ITIH5: variants seen among roughly 807,000 people sequenced by gnomAD.
ITIH5 encodes the protein inter-alpha-trypsin inhibitor heavy chain 5, also known as inter-alpha-trypsin inhibitor heavy chain H5.
A neutral mutation model predicts 77.5 loss-of-function variants in ITIH5; 65 were observed. The observed-to-expected ratio is 0.84, with a 90% confidence interval of 0.69 to 1.03. ITIH5 has a LOEUF of 1.03. Ranked by LOEUF, ITIH5 falls within the 50% of genes least tolerant of loss-of-function variation. The pLI is 0.00. For missense variants in ITIH5, 1,208 were observed against 1,213.1 expected, an observed-to-expected ratio of 1.00 and a Z score of 0.06; for synonymous variants, 525 against 494.3, an observed-to-expected ratio of 1.06 and a Z score of -0.82.
intron 9 of ITIH5, among the ~76,000 whole-genome samples, chr10:7,577,622 C>T (rs762310694): frequency 6.6e-5 from 10 of 152,214 alleles, no homozygotes; most frequent in Non-Finnish European, 1.2e-4. Flanking sequence ...GTGCGTATAA[C>T]ATTTGCTTGC....
chr10:7,581,327 A>G (rs1405809573), intron 8 of ITIH5, among the ~76,000 whole-genome samples: 1 of 152,176 alleles, frequency 6.6e-6, no homozygotes, highest in East Asian at 1.9e-4. Flanking sequence ...AAAGGGAAGA[A>G]AAATTTTATC....
intron 7 of ITIH5, among the ~76,000 whole-genome samples, chr10:7,614,669 A>C (rs1833328675): frequency 6.6e-6 from 1 of 152,158 alleles, no homozygotes; most frequent in Non-Finnish European, 1.5e-5. Context: ...GGAGTGTAGG[A>C]AAACCAGATG....
rs192412807 is a variant in ITIH5, at chr10:7,637,595, T to C, written c.402-117A>G. On this transcript the variant is annotated intron_variant, in intron 4 of 13. Transcript: ENST00000397146. ...TCAACCAGCCTGCCAGGGAGACCCA[T>C]GGGTGTGAGTGTGGGTCCTGAGAAA... The C allele has an allele frequency of 2.2e-5, 21 of 972,804 alleles. No individual in the cohort carries two copies. The Admixed American group carries it at 3.7e-4, about 17-fold the overall frequency. 60.3% of individuals were successfully genotyped at this position (972,804 alleles called of 1,614,324 possible).
chr10:7,609,521 G>A (rs1833198757), intron 7 of ITIH5: 1 of 453,176 alleles, frequency 2.2e-6, no homozygotes, highest in East Asian at 7.0e-5. Context: ...GCCTGTGAGT[G>A]AACCAAAATC....
At position 7,563,279 on chromosome 10, in the gene ITIH5, A is replaced by G; in HGVS notation, c.2633T>C (p.Val878Ala). 1 of 1,614,114 alleles carries G rather than the reference A, an allele frequency of 6.2e-7. No individual in the cohort carries two copies. The highest frequency in any genetic ancestry group is 8.5e-7 in the Non-Finnish European group (1 of 1,180,016). ...LLQVGEGPEA[V>A]LTVKGHQVPV... ...GACTTGGTGGCCTTTCACTGTTAGG[A>G]CGGCCTCAGGCCCCTCTCCCACCTG... The change falls in exon 14 of 14, where the codon GTC (valine) becomes GCC (alanine). Residue 878 changes from valine (V) to alanine (A), a missense_variant. Physicochemically the swap from Val to Ala is moderately conservative, Grantham distance 64 (BLOSUM62 0). Coordinates refer to ENST00000397146, the MANE Select transcript of ITIH5 (RefSeq NM_030569.7).
intron 7 of ITIH5, among the ~76,000 whole-genome samples, chr10:7,607,606 G>A (rs1833150299): frequency 6.6e-6 from 1 of 152,216 alleles, no homozygotes; most frequent in African/African-American, 2.4e-5. Flanking sequence ...CTGAGGTCAG[G>A]AGTTCGAGAT....
intron 7 of ITIH5, among the ~76,000 whole-genome samples, chr10:7,586,335 T>C (rs1399843491): frequency 2.6e-5 from 4 of 152,168 alleles, no homozygotes; most frequent in Non-Finnish European, 5.9e-5. Flanking sequence ...TCTCCACAAT[T>C]GCTGTTCTCT....
chr10:7,617,302 AT>A lies in ITIH5; in HGVS notation c.653-21del. 1 of 1,427,338 alleles carries A rather than the reference AT, an allele frequency of 7.0e-7. No individual in the cohort carries two copies. The highest frequency in any genetic ancestry group is 9.3e-7 in the Non-Finnish European group (1 of 1,072,874). The allele number at this position is 1,427,338 out of a possible 1,614,324, so 88.4% of individuals were successfully genotyped here. On this transcript the variant is annotated intron_variant, in intron 5 of 13. Coordinates refer to ENST00000397146, the MANE Select transcript of ITIH5 (RefSeq NM_030569.7). ...AATCATCTGCAAACAAGATAGAAAC[AT>A]AATTAATAACTTAATATATATTTTT...
At chr10:7,570,537 CAGA>C (rs1251069752) in intron 11 of ITIH5, 2 of 152,228 alleles carry the variant, frequency 1.3e-5, no homozygotes, top group African/African-American at 4.8e-5. Flanking sequence ...ATTATACAGA[CAGA>C]AGATTTCTTG....
intron 5 of ITIH5, among the ~76,000 whole-genome samples, chr10:7,626,975 C>T (rs751271024): frequency 2.0e-4 from 30 of 152,196 alleles, no homozygotes; most frequent in Non-Finnish European, 3.2e-4. Flanking sequence ...ACTGTCATAA[C>T]CAACAATTAT....
chr10:7,575,785 A>G (rs560212218), intron 10 of ITIH5, among the ~76,000 whole-genome samples: 2 of 152,302 alleles, frequency 1.3e-5, no homozygotes, highest in South Asian at 4.1e-4. Flanking sequence ...GAAAATATAG[A>G]AAGGCACTGA....
At chr10:7,638,550 C>A (rs1440080155) in intron 4 of ITIH5, among the ~76,000 whole-genome samples, 1 of 152,124 alleles carries the variant, frequency 6.6e-6, no homozygotes, top group Non-Finnish European at 1.5e-5. Context: ...AGTATTTTGA[C>A]CTTAAAGTCA....
chr10:7,642,400 A>G (rs1280314330), intron 2 of ITIH5, among the ~76,000 whole-genome samples: 1 of 152,218 alleles, frequency 6.6e-6, no homozygotes, highest in Non-Finnish European at 1.5e-5. Context: ...AAACAGTTCA[A>G]TCATCGGAAT....
At chr10:7,651,425 A>T (rs1456290461) in intron 2 of ITIH5, among the ~76,000 whole-genome samples, 1 of 152,088 alleles carries the variant, frequency 6.6e-6, no homozygotes, top group Admixed American at 6.5e-5. Context: ...TTTACTAAAA[A>T]TACGAAAATT....
intron 7 of ITIH5, among the ~76,000 whole-genome samples, chr10:7,611,824 T>C (rs1407594544): frequency 6.6e-6 from 1 of 152,096 alleles, no homozygotes; most frequent in African/African-American, 2.4e-5. Flanking sequence ...TTCCCCTTTG[T>C]AATTACTTTT....
chr10:7,617,407 T>G (rs2131037207), intron 5 of ITIH5, 125 bp from the exon 6 acceptor site: 2 of 619,624 alleles, frequency 3.2e-6, no homozygotes, highest in East Asian at 3.1e-5. Flanking sequence ...TCACAGGAAC[T>G]TCTAAGACTG....
chr10:7,640,642 AAG>A, intron 4 of ITIH5, 110 bp downstream of exon 4: 2 of 671,690 alleles, frequency 3.0e-6, no homozygotes. Flanking sequence ...ATAAAAAAGA[AAG>A]AGAAAAGTAT....
intron 7 of ITIH5, chr10:7,600,676 G>T (rs1427338065): frequency 2.4e-6 from 1 of 424,814 alleles, no homozygotes; most frequent in East Asian, 7.1e-5. Flanking sequence ...ACAAGGGACA[G>T]TTTGGGTCCC....
intron 12 of ITIH5, among the ~76,000 whole-genome samples, chr10:7,568,175 C>T (rs1446104641): frequency 1.3e-5 from 2 of 152,158 alleles, no homozygotes; most frequent in Non-Finnish European, 2.9e-5. Context: ...ATGTGTTTTG[C>T]TCTCAGGCAA....
Sources: gnomAD v4.1 joint callset for allele counts (sites outside exome capture counted in the v4.1 genomes callset) on GRCh38, gnomAD v4.1.1 for gene constraint, MANE v1.5 for transcripts, NCBI Gene and HGNC (gene_info 2026-07-23, HGNC 2026-07-21) for gene names.